SBNO2: variants seen among roughly 807,000 people sequenced by gnomAD.
SBNO2 encodes protein strawberry notch homolog 2.
In SBNO2, 89 loss-of-function variants were observed where a neutral mutation model predicts 146.3. That is an observed-to-expected ratio of 0.61 (90% CI 0.51 to 0.73). The LOEUF (loss-of-function observed/expected upper bound fraction) is 0.73. Ranked by LOEUF, SBNO2 falls within the 30% of genes least tolerant of loss-of-function variation. The probability of loss-of-function intolerance (pLI) is 0.00; values close to 1 mark genes in which losing one functional copy is unlikely to be tolerated. For synonymous variants in SBNO2, 1,147 were observed against 892.6 expected (o/e 1.29, Z -5.08); for missense variants, 2,092 against 2,003.7 (o/e 1.04, Z -0.84).
chr19:1,170,329 G>T (rs948394413), intron 1 of SBNO2, among the ~76,000 whole-genome samples: 13 of 152,208 alleles, frequency 8.5e-5, no homozygotes, highest in Admixed American at 7.8e-4. Flanking sequence ...AGGTGACCAC[G>T]GGGCTGGCAG....
chr19:1,115,703 C>T, intron 17 of SBNO2: 1 of 474,194 alleles, frequency 2.1e-6, no homozygotes, highest in South Asian at 2.4e-5. Context: ...CCCCAAGGGA[C>T]CGTGGAGACC....
chr19:1,119,068 G>C lies in SBNO2; in HGVS notation c.1470C>G (p.Ile490Met). The stretch of plus-strand genomic sequence containing the variant: ...AGGCTGGGGCCAGCGGGATCTCCTC[G>C]ATGCGGAAGGTGACGCCGGAGAAGC... ...QLSFSGVTFR[I>M]EEIPLAPAFE... is the part of the protein sequence containing the mutation. Residue 490 changes from isoleucine to methionine, a missense_variant, in exon 14 of 32, where the codon ATC becomes ATG. Transcript: ENST00000361757. 1 of 1,605,852 alleles carries C rather than the reference G, an allele frequency of 6.2e-7. No homozygotes were observed. Among genetic ancestry groups the C allele is most frequent in the Non-Finnish European group, 8.5e-7 (1 of 1,177,264 alleles).
In SBNO2 at chr19:1,114,255, C is replaced by A. The variant is rs1167885839; in HGVS notation, c.2053G>T (p.Val685Phe). 1.3e-6 allele frequency: 2 copies of A among 1,535,596 alleles called. No individual in the cohort carries two copies. Among genetic ancestry groups the A allele is most frequent in the Non-Finnish European group, 1.8e-6 (2 of 1,138,490 alleles). ...CCCCGGTCGTCACTGGGGAGCCCGA[C>A]TGCATCAACGATGACAACGTCGTCA... The part of the protein sequence containing the change: ...VDDDVVIVDA[V>F]GLPSDDRGPL... Residue 685 changes from valine (V) to phenylalanine (F), a missense_variant, in exon 18 of 32, where the codon GTC becomes TTC. Transcript: ENST00000361757.
In SBNO2 at chr19:1,157,390, G is replaced by GAGACGCTCTCCCCAGGCGGCCCCGA. The variant is rs2080301291; in HGVS notation, c.-126-2989_-126-2988insTCGGGGCCGCCTGGGGAGAGCGTCT. ...GGAGACCCTCTGCCACGCAGCCCCG[G>GAGACGCTCTCCCCAGGCGGCCCCGA]AGACGCTCTCCCCACGCGGCCCCGG... On this transcript the variant is annotated intron_variant, in intron 1 of 31. Coordinates refer to ENST00000361757, the MANE Select transcript of SBNO2 (RefSeq NM_014963.3). This position sits in a 1 kb window ranked among gnomAD's most constrained non-coding sequence, Gnocchi z 6.8. Among the ~76,000 whole-genome samples the GAGACGCTCTCCCCAGGCGGCCCCGA allele has an allele frequency of 7.3e-6, 1 of 136,794 alleles. No homozygotes were observed. Among genetic ancestry groups the GAGACGCTCTCCCCAGGCGGCCCCGA allele is most frequent in the Non-Finnish European group, 1.6e-5 (1 of 61,150 alleles). 89.7% of individuals were successfully genotyped at this position (136,794 alleles called of 152,430 possible).
At chr19:1,134,848 C>T (rs1237006660) in intron 4 of SBNO2, among the ~76,000 whole-genome samples, 1 of 151,950 alleles carries the variant, frequency 6.6e-6, no homozygotes, top group Non-Finnish European at 1.5e-5. Flanking sequence ...GAGTTCAAGA[C>T]CAGCCTGGCC....
rs756644958 is a variant in SBNO2, at chr19:1,110,980, AG to A, written c.2884+38del. On this transcript the variant is annotated intron_variant, in intron 25 of 31. Coordinates refer to ENST00000361757, the MANE Select transcript of SBNO2 (RefSeq NM_014963.3). The surrounding 1 kb of genome is among the most constrained non-coding windows in gnomAD (Gnocchi z 4.9). ...CGAGGCCAAGGTTGCATGAGATGAG[AG>A]ACAGGAGCGCCTCTGGGCCTGGGTG... The A allele has an allele frequency of 3.7e-6, 6 of 1,609,630 alleles. No individual in the cohort carries two copies. The East Asian group carries it at 1.3e-4, about 36-fold the overall frequency.
intron 1 of SBNO2, among the ~76,000 whole-genome samples, chr19:1,162,353 G>A (rs372108710): frequency 2.7e-5 from 4 of 148,850 alleles, no homozygotes; most frequent in East Asian, 2.0e-4. Flanking sequence ...CCAGCTACTC[G>A]GGAGGCCGAG....
chr19:1,165,156 G>A (rs974911716), intron 1 of SBNO2, among the ~76,000 whole-genome samples: 4 of 152,132 alleles, frequency 2.6e-5, no homozygotes, highest in Admixed American at 6.5e-5. Context: ...GGGAGGACCC[G>A]GAGTTGAGCG....
Position 1,154,251 on chromosome 19 carries a change from T to C in SBNO2, c.26A>G (p.Asp9Gly). The C allele has an allele frequency of 7.9e-7, 1 of 1,270,548 alleles. No individual in the cohort carries two copies. Among genetic ancestry groups the C allele is most frequent in the Non-Finnish European group, 9.9e-7 (1 of 1,007,016 alleles). The allele number at this position is 1,270,548 out of a possible 1,614,324, so 78.7% of individuals were successfully genotyped here. The change falls in exon 2 of 32, where the codon GAC (aspartate) becomes GGC (glycine). Residue 9 changes from aspartate (D) to glycine (G), a missense_variant. Coordinates refer to ENST00000361757, the MANE Select transcript of SBNO2 (RefSeq NM_014963.3). ...GGGTTCATGCTGCGGGTAATCCCTG[T>C]CCATGGCGGGCCCCACTGCAAGCAT... MLAVGPAM[D>G]RDYPQHEPPP... is the part of the protein sequence containing the mutation.
Position 1,163,740 on chromosome 19 carries a change from C to T in SBNO2, c.-126-9338G>A, listed in dbSNP as rs554665773. Reference sequence around the variant, plus strand: ...TGGGGGCCCCAGACCGGCCCAGCACCGCCTGACATTTCTCAAGCATGCTGG... The same window carrying T: ...TGGGGGCCCCAGACCGGCCCAGCACTGCCTGACATTTCTCAAGCATGCTGG... On this transcript the variant is annotated intron_variant, in intron 1 of 31. Coordinates refer to ENST00000361757, the MANE Select transcript of SBNO2 (RefSeq NM_014963.3). Among the ~76,000 whole-genome samples, 51 of 152,338 alleles carry T rather than the reference C, an allele frequency of 3.3e-4. 1 individual carries two copies. The South Asian group carries it at 0.01, about 31-fold the overall frequency.
intron 1 of SBNO2, among the ~76,000 whole-genome samples, chr19:1,155,630 C>T (rs530800932): frequency 1.3e-5 from 2 of 152,322 alleles, no homozygotes; most frequent in South Asian, 4.1e-4. Context: ...AGCCTGGCTC[C>T]ACCTTCTGAG....
At chr19:1,141,065 G>GAGAAGA (rs1568607263) in intron 4 of SBNO2, among the ~76,000 whole-genome samples, 1 of 151,416 alleles carries the variant, frequency 6.6e-6, no homozygotes, top group African/African-American at 2.4e-5. Context: ...CGGAGAAGAG[G>GAGAAGA]CGCCCCGGAG....
At chr19:1,114,563 G>C (rs1328624107) in intron 17 of SBNO2, 141 bp from the exon 18 acceptor site, 2 of 678,558 alleles carry the variant, frequency 2.9e-6, no homozygotes, top group African/African-American at 1.9e-5. Flanking sequence ...TGGGCAAGCA[G>C]CTCAGCTGTT....
rs912528149 is a variant in SBNO2, at chr19:1,140,889, G to A, written c.279+6420C>T. ...CCAGCATCAGCACAACACGCGCAACGCCAGGCACTCCGGTCCACGCCGCAC... is the reference window on the plus strand; with the variant it reads ...CCAGCATCAGCACAACACGCGCAACACCAGGCACTCCGGTCCACGCCGCAC... On this transcript the variant is annotated intron_variant, in intron 4 of 31. Transcript: ENST00000361757. The surrounding 1 kb of genome is among the most constrained non-coding windows in gnomAD (Gnocchi z 4.4). 1.3e-5 allele frequency among the ~76,000 whole-genome samples: 2 copies of A among 152,130 alleles called. No homozygotes were observed. The highest frequency in any genetic ancestry group is 4.8e-5 in the African/African-American group (2 of 41,422).
At chr19:1,132,239 C>T (rs1365794042) in intron 4 of SBNO2, 5 of 1,300,550 alleles carry the variant, frequency 3.8e-6, no homozygotes, top group South Asian at 2.1e-5. Context: ...CCGGGGCGGA[C>T]GGGGGCGGCT....
chr19:1,136,000 C>A (rs2080081502), intron 4 of SBNO2, among the ~76,000 whole-genome samples: 1 of 151,870 alleles, frequency 6.6e-6, no homozygotes, highest in Non-Finnish European at 1.5e-5. Context: ...GAATCCGGTC[C>A]TTGCAGATGT....
At chr19:1,120,404 T>TCACCCACGCTGGAGTGC (rs2079887038) in intron 11 of SBNO2, among the ~76,000 whole-genome samples, 1 of 152,218 alleles carries the variant, frequency 6.6e-6, no homozygotes, top group Non-Finnish European at 1.5e-5. Flanking sequence ...TCTTGCTCTG[T>TCACCCACGCTGGAGTGC]CACCCACGCT....
At chr19:1,146,530 C>T (rs751904582) in intron 4 of SBNO2, among the ~76,000 whole-genome samples, 2 of 152,084 alleles carry the variant, frequency 1.3e-5, no homozygotes, top group Non-Finnish European at 2.9e-5. Context: ...GGGAGCTGAG[C>T]ACCAGGTGAC....
rs1175501720 is a variant in SBNO2 at position 1,120,039 on chromosome 19, G to T, written c.1150-16C>A. ...CGAACACGATCTGAGGCACACGTGG[G>T]TTAAGGAGTATTCTGAAGGACGGGG... On this transcript the variant is annotated splice_polypyrimidine_tract_variant and intron_variant, in intron 11 of 31. Transcript: ENST00000361757. 5.2e-6 allele frequency: 8 copies of T among 1,546,222 alleles called. No homozygotes were observed. Among genetic ancestry groups the T allele is most frequent in the Non-Finnish European group, 7.0e-6 (8 of 1,143,396 alleles).
Sources: gnomAD v4.1 joint callset for allele counts (sites outside exome capture counted in the v4.1 genomes callset) on GRCh38, gnomAD v4.1.1 for gene constraint, Gnocchi (gnomAD v3.1) non-coding constraint, MANE v1.5 for transcripts, NCBI Gene and HGNC (gene_info 2026-07-23, HGNC 2026-07-21) for gene names.